L3MBTL4: variants seen among roughly 807,000 people sequenced by gnomAD.
L3MBTL4 encodes L3MBTL histone methyl-lysine binding protein 4.
L3MBTL4 carries 70 observed loss-of-function variants against 84.5 expected under a neutral mutation model. The observed-to-expected ratio is 0.83, with a 90% CI of 0.68 to 1.01. The LOEUF is 1.01. L3MBTL4 is among the 50% of genes least tolerant of loss of function. The pLI, the probability that L3MBTL4 is intolerant of heterozygous loss-of-function variation, is 0.00. For synonymous variants in L3MBTL4, 274 were observed against 259.8 expected, an observed-to-expected ratio of 1.05 and a Z score of -0.52; for missense variants, 715 against 754.8, an observed-to-expected ratio of 0.95 and a Z score of 0.62.
rs144365838 is a variant in L3MBTL4 at position 6,121,083 on chromosome 18, A to C, written c.1199+17111T>G. 6.8e-4 allele frequency among the ~76,000 whole-genome samples: 103 copies of C among 152,284 alleles called. 3 individuals carry two copies. In the East Asian group the frequency reaches 0.019, roughly 28 times the overall value. Reference sequence around the variant, plus strand: ...AAGCCCCAAGGTCAAGTCTCCATTAATTACACAAAGAATTATCTGTTGTCC... The same window carrying C: ...AAGCCCCAAGGTCAAGTCTCCATTACTTACACAAAGAATTATCTGTTGTCC... On this transcript the variant is annotated intron_variant, in intron 14 of 18. Coordinates refer to ENST00000317931, the MANE Select transcript of L3MBTL4 (RefSeq NM_001330559.2).
At chr18:6,277,179 C>T (rs960343885) in intron 4 of L3MBTL4, among the ~76,000 whole-genome samples, 2 of 150,392 alleles carry the variant, frequency 1.3e-5, no homozygotes, top group African/African-American at 2.4e-5. Flanking sequence ...GGAGATATAC[C>T]TAATGCTAGA....
chr18:6,374,564 A>G (rs1265928486), intron 1 of L3MBTL4: 3 of 154,772 alleles, frequency 1.9e-5, no homozygotes, highest in African/African-American at 7.2e-5. Context: ...AAAGAAGCAA[A>G]TGACCTCTTC....
At chr18:6,346,765 T>A (rs867987061) in intron 1 of L3MBTL4, among the ~76,000 whole-genome samples, 9 of 152,088 alleles carry the variant, frequency 5.9e-5, no homozygotes, top group African/African-American at 1.9e-4. Flanking sequence ...AAAAGCAGCA[T>A]GGCTACTCCT....
intron 16 of L3MBTL4, among the ~76,000 whole-genome samples, chr18:5,972,862 TA>T (rs2052707179): frequency 5.3e-5 from 1 of 18,740 alleles, no homozygotes; most frequent in Non-Finnish European, 9.1e-5. Flanking sequence ...TAGAATAGTA[TA>T]GAATAGAATA....
chr18:6,164,219 A>T (rs1008707079), intron 13 of L3MBTL4, among the ~76,000 whole-genome samples: 3 of 152,358 alleles, frequency 2.0e-5, no homozygotes, highest in East Asian at 3.9e-4. Context: ...CAGCTCAAGG[A>T]GGCCTGCCTG....
At chr18:6,037,354 G>T (rs561126647) in intron 16 of L3MBTL4, among the ~76,000 whole-genome samples, 18 of 152,292 alleles carry the variant, frequency 1.2e-4, no homozygotes, top group African/African-American at 3.9e-4. Context: ...GCCTTTCTCT[G>T]GAAGTTGCAA....
chr18:6,321,039 T>C (rs1483321264), intron 1 of L3MBTL4, among the ~76,000 whole-genome samples: 1 of 152,128 alleles, frequency 6.6e-6, no homozygotes, highest in Non-Finnish European at 1.5e-5. Context: ...TGTAGAAGAA[T>C]GAAACAGGAT....
intron 1 of L3MBTL4, among the ~76,000 whole-genome samples, chr18:6,343,617 G>T (rs765089815): frequency 1.4e-5 from 2 of 143,856 alleles, no homozygotes; most frequent in Non-Finnish European, 3.0e-5. Context: ...AGTCAAGATC[G>T]CACCACTGCA....
Position 6,015,874 on chromosome 18 carries a change from C to T in L3MBTL4, c.1445-46312G>A, listed in dbSNP as rs1328070919. 9.2e-5 allele frequency among the ~76,000 whole-genome samples: 14 copies of T among 152,294 alleles called. No homozygotes were observed. In the East Asian group the frequency reaches 1.2e-3, roughly 13 times the overall value. On this transcript the variant is annotated intron_variant, in intron 16 of 18. Transcript: ENST00000317931. ...ACTCAGGAGGCTGAGGCAGGAGAAT[C>T]GCTTGAATCCGGGACGCGGAGGTTG...
intron 8 of L3MBTL4, among the ~76,000 whole-genome samples, 182 bp from the exon 9 acceptor site, chr18:6,240,054 A>T (rs1193037975): frequency 6.6e-6 from 1 of 152,240 alleles, no homozygotes; most frequent in Non-Finnish European, 1.5e-5. Context: ...GTTTATATTC[A>T]TAACAAAGGC....
intron 1 of L3MBTL4, among the ~76,000 whole-genome samples, chr18:6,411,528 A>G (rs762367430): frequency 4.6e-5 from 7 of 152,148 alleles, no homozygotes; most frequent in Admixed American, 2.0e-4. Flanking sequence ...TTTATTAGCA[A>G]CTGACAAGAC....
At chr18:6,192,747 G>A (rs971995851) in intron 12 of L3MBTL4, among the ~76,000 whole-genome samples, 2 of 152,110 alleles carry the variant, frequency 1.3e-5, no homozygotes, top group Non-Finnish European at 2.9e-5. Flanking sequence ...CCAGTCAGGG[G>A]ACTGTGTCTC....
intron 16 of L3MBTL4, among the ~76,000 whole-genome samples, chr18:5,985,494 AG>A (rs2053426509): frequency 6.6e-6 from 1 of 152,186 alleles, no homozygotes; most frequent in Non-Finnish European, 1.5e-5. Context: ...AGTAAGGAAA[AG>A]GAGGCACAAA....
At chr18:6,197,705 G>A (rs1411855903) in intron 12 of L3MBTL4, among the ~76,000 whole-genome samples, 1 of 152,140 alleles carries the variant, frequency 6.6e-6, no homozygotes, top group Non-Finnish European at 1.5e-5. Flanking sequence ...GCCTTCCTGG[G>A]GCAGCCTTCG....
At chr18:6,251,062 A>C (rs145603402) in intron 5 of L3MBTL4, among the ~76,000 whole-genome samples, 55 of 152,360 alleles carry the variant, frequency 3.6e-4, no homozygotes, top group Admixed American at 1.4e-3. Flanking sequence ...AAAAAAAATC[A>C]ATCATGCTAT....
intron 16 of L3MBTL4, among the ~76,000 whole-genome samples, chr18:6,071,268 G>T (rs2057584369): frequency 6.6e-6 from 1 of 151,814 alleles, no homozygotes; most frequent in South Asian, 2.1e-4. Context: ...GTACACATCT[G>T]TAATCCCAGC....
At chr18:6,060,059 A>G (rs780915162) in intron 16 of L3MBTL4, among the ~76,000 whole-genome samples, 1 of 152,210 alleles carries the variant, frequency 6.6e-6, no homozygotes, top group Non-Finnish European at 1.5e-5. Context: ...TCTGTGTTCC[A>G]TAAGAACCAG....
intron 1 of L3MBTL4, among the ~76,000 whole-genome samples, chr18:6,402,233 A>G (rs547344649): frequency 3.3e-4 from 51 of 152,358 alleles, no homozygotes; most frequent in Admixed American, 1.5e-3. Flanking sequence ...TCACTATTAA[A>G]AATATTGTTT....
At chr18:6,175,540 T>C (rs2044189237) in intron 12 of L3MBTL4, among the ~76,000 whole-genome samples, 1 of 152,188 alleles carries the variant, frequency 6.6e-6, no homozygotes. Context: ...GCTAGTTCCG[T>C]GTTCTGTAAT....
Sources: gnomAD v4.1 joint callset for allele counts (sites outside exome capture counted in the v4.1 genomes callset) on GRCh38, gnomAD v4.1.1 for gene constraint, MANE v1.5 for transcripts, NCBI Gene and HGNC (gene_info 2026-07-23, HGNC 2026-07-21) for gene names.